RIMS1: variants seen among roughly 807,000 people sequenced by gnomAD.
RIMS1 encodes regulating synaptic membrane exocytosis 1.
Under a neutral mutation model 214.1 loss-of-function variants are expected in RIMS1, and 83 were observed. That is an observed-to-expected ratio of 0.39 (90% confidence interval 0.32 to 0.47). The LOEUF is 0.47. Ranked by LOEUF, RIMS1 falls within the 20% of genes least tolerant of loss-of-function variation. RIMS1 has a pLI of 0.99. For missense variants in RIMS1, 2,050 were observed against 2,161.8 expected (o/e 0.95, Z 1.03); for synonymous variants, 793 against 786.8 (o/e 1.01, Z -0.13).
intron 1 of RIMS1, among the ~76,000 whole-genome samples, chr6:71,894,445 GA>G (rs111781810): frequency 0.18 from 25,900 of 147,304 alleles, 2,330 homozygotes; most frequent in Middle Eastern, 0.27. Context: ...GACTCTGTCT[GA>G]AAAAAAAAAG....
intron 2 of RIMS1, among the ~76,000 whole-genome samples, chr6:72,056,208 C>T (rs1198502390): frequency 6.6e-6 from 1 of 152,044 alleles, no homozygotes; most frequent in Non-Finnish European, 1.5e-5. Flanking sequence ...GGGAGTTAAA[C>T]ACTGAGTGCA....
chr6:72,271,356 G>GA (rs555733001), intron 22 of RIMS1, among the ~76,000 whole-genome samples: 2 of 145,516 alleles, frequency 1.4e-5, no homozygotes, highest in Non-Finnish European at 3.0e-5. Flanking sequence ...AAATAATAGG[G>GA]AAAAAATTTT....
chr6:72,302,858 G>C (rs930984201), intron 26 of RIMS1, among the ~76,000 whole-genome samples: 1 of 151,074 alleles, frequency 6.6e-6, no homozygotes, highest in South Asian at 2.1e-4. Context: ...ACTTATTTCT[G>C]TCCTTTTACA....
chr6:72,059,465 G>A (rs988290762), intron 2 of RIMS1, among the ~76,000 whole-genome samples: 1 of 152,120 alleles, frequency 6.6e-6, no homozygotes, highest in Non-Finnish European at 1.5e-5. Flanking sequence ...CTGGGCTCAA[G>A]CCATCCATCC....
At chr6:71,963,232 A>G (rs1793472393) in intron 1 of RIMS1, among the ~76,000 whole-genome samples, 1 of 152,152 alleles carries the variant, frequency 6.6e-6, no homozygotes, top group Admixed American at 6.6e-5. Context: ...ATTAGTTTTA[A>G]TACCAAACCA....
chr6:72,097,967 G>A (rs1226340360), intron 3 of RIMS1, among the ~76,000 whole-genome samples: 2 of 151,662 alleles, frequency 1.3e-5, no homozygotes, highest in Non-Finnish European at 2.9e-5. Context: ...TTATTTATAG[G>A]GAAATCTTGA....
intron 1 of RIMS1, among the ~76,000 whole-genome samples, chr6:71,954,070 T>C (rs1318687520): frequency 1.3e-5 from 2 of 152,204 alleles, no homozygotes; most frequent in African/African-American, 2.4e-5. Flanking sequence ...TTTTTAGGTA[T>C]GTTTCTAATT....
chr6:72,234,955 T>G (rs1261057750), intron 7 of RIMS1, among the ~76,000 whole-genome samples: 1 of 152,106 alleles, frequency 6.6e-6, no homozygotes, highest in Non-Finnish European at 1.5e-5. Flanking sequence ...ATATGCCCAG[T>G]TTGTTCATCA....
In RIMS1 at chr6:72,297,050, T is replaced by A. The variant is rs371324934; in HGVS notation, c.3850+5004T>A. Among the ~76,000 whole-genome samples the A allele has an allele frequency of 3.9e-5, 6 of 152,148 alleles. No homozygotes were observed. In the South Asian group the frequency reaches 1.2e-3, roughly 32 times the overall value. On this transcript the variant is annotated intron_variant, in intron 26 of 33. Transcript: ENST00000521978. ...AAGAGAACAGTTTCAATTACATATT[T>A]GATCTGTATTTATAAAAATGTATTT...
intron 1 of RIMS1, among the ~76,000 whole-genome samples, chr6:71,894,006 T>G (rs146961181): frequency 4.2e-4 from 64 of 152,380 alleles, no homozygotes; most frequent in Admixed American, 1.4e-3. Context: ...TCTTGCTTTC[T>G]CTTCCCCAAA....
intron 6 of RIMS1, among the ~76,000 whole-genome samples, chr6:72,202,535 T>C (rs2052178607): frequency 6.6e-6 from 1 of 152,200 alleles, no homozygotes. Context: ...TCTCCAAATA[T>C]AGTTACAGTC....
At chr6:72,065,052 T>C (rs912342306) in intron 2 of RIMS1, among the ~76,000 whole-genome samples, 2 of 152,234 alleles carry the variant, frequency 1.3e-5, no homozygotes, top group Non-Finnish European at 2.9e-5. Context: ...GTTTATGTTG[T>C]TAATCTAAAT....
At chr6:72,271,846 A>G (rs1299114425) in intron 22 of RIMS1, among the ~76,000 whole-genome samples, 1 of 152,144 alleles carries the variant, frequency 6.6e-6, no homozygotes, top group Non-Finnish European at 1.5e-5. Context: ...TGCATAATGG[A>G]TGCAATTATC....
At chr6:72,072,080 C>T (rs1830703623) in intron 2 of RIMS1, among the ~76,000 whole-genome samples, 1 of 152,114 alleles carries the variant, frequency 6.6e-6, no homozygotes, top group Non-Finnish European at 1.5e-5. Flanking sequence ...ATTCCCTTAT[C>T]TCCCTTGAAG....
intron 4 of RIMS1, among the ~76,000 whole-genome samples, chr6:72,133,395 G>A (rs115223482): frequency 6.6e-6 from 1 of 152,136 alleles, no homozygotes; most frequent in African/African-American, 2.4e-5. Context: ...AGATATGCTG[G>A]GTGACAAGAA....
At chr6:72,050,194 T>G (rs1046110400) in intron 2 of RIMS1, among the ~76,000 whole-genome samples, 7 of 152,202 alleles carry the variant, frequency 4.6e-5, no homozygotes, top group African/African-American at 1.7e-4. Context: ...TGTTCTTGAC[T>G]GTGGCAGAGA....
At chr6:72,390,801 A>G (rs1337035390) in intron 30 of RIMS1, 65 bp downstream of exon 30, 3 of 1,558,020 alleles carry the variant, frequency 1.9e-6, no homozygotes, top group Non-Finnish European at 2.6e-6. Flanking sequence ...CAGTAAGATA[A>G]CAAAGCCACT....
chr6:71,990,222 T>C (rs958236817), intron 2 of RIMS1, among the ~76,000 whole-genome samples: 4 of 152,188 alleles, frequency 2.6e-5, no homozygotes, highest in Admixed American at 2.6e-4. Context: ...AGATGTTCCA[T>C]AAGCTCCAGA....
chr6:72,114,420 G>A (rs1428952378), intron 4 of RIMS1, among the ~76,000 whole-genome samples: 2 of 151,850 alleles, frequency 1.3e-5, no homozygotes, highest in African/African-American at 4.8e-5. Flanking sequence ...TGAAAATCCA[G>A]GGCACATACC....
Sources: gnomAD v4.1 joint callset for allele counts (sites outside exome capture counted in the v4.1 genomes callset) on GRCh38, gnomAD v4.1.1 for gene constraint, MANE v1.5 for transcripts, NCBI Gene and HGNC (gene_info 2026-07-23, HGNC 2026-07-21) for gene names.